Variants in NLGN1 observed in about 807,000 individuals in gnomAD.
NLGN1 encodes the protein neuroligin 1.
NLGN1 carries 12 observed loss-of-function variants against 65.5 expected under a neutral mutation model. The observed-to-expected ratio is 0.18, with a 90% CI of 0.12 to 0.30. The LOEUF is 0.30. NLGN1 is among the 10% of genes least tolerant of loss of function. The pLI, the probability that NLGN1 is intolerant of heterozygous loss-of-function variation, is 1.00. For synonymous variants in NLGN1, 350 were observed against 359.5 expected (o/e 0.97, Z 0.30); for missense variants, 750 against 1,007.1 (o/e 0.74, Z 3.46).
rs188466026 is a variant in NLGN1, at chr3:174,131,790, C to T, written c.647-143525C>T. Among the ~76,000 whole-genome samples, 312 of 152,218 alleles carry T rather than the reference C, an allele frequency of 2.0e-3. 1 individual carries two copies. Among genetic ancestry groups the T allele is most frequent in the Non-Finnish European group, 3.3e-3 (222 of 68,008 alleles). ...AATTAGCTCAAAAGATATTAGAAAT[C>T]TATATGGTAAAATGACAAGTGTTTA... On this transcript the variant is annotated intron_variant, in intron 4 of 6. Transcript: ENST00000457714.
chr3:173,761,539 T>C (rs922594306), intron 3 of NLGN1, among the ~76,000 whole-genome samples: 2 of 152,052 alleles, frequency 1.3e-5, no homozygotes, highest in African/African-American at 4.8e-5. Context: ...ATATAGAGCA[T>C]CACTACCTTT....
chr3:174,237,768 G>C (rs771273254), intron 4 of NLGN1, among the ~76,000 whole-genome samples: 2 of 152,092 alleles, frequency 1.3e-5, no homozygotes, highest in Non-Finnish European at 2.9e-5. Flanking sequence ...TTTTGGCCAG[G>C]CTGGTCTCAA....
At chr3:173,684,984 G>A (rs535474653) in intron 3 of NLGN1, among the ~76,000 whole-genome samples, 10 of 151,704 alleles carry the variant, frequency 6.6e-5, no homozygotes, top group South Asian at 6.3e-4. Flanking sequence ...ATATTATTTC[G>A]TACTGATAGA....
At chr3:173,538,364 C>T (rs540332359) in intron 2 of NLGN1, among the ~76,000 whole-genome samples, 2 of 152,288 alleles carry the variant, frequency 1.3e-5, no homozygotes, top group East Asian at 3.9e-4. Flanking sequence ...AGCATGGGCT[C>T]ACTGCTGCAC....
chr3:173,664,592 G>T (rs1223291131), intron 3 of NLGN1, among the ~76,000 whole-genome samples: 1 of 152,094 alleles, frequency 6.6e-6, no homozygotes, highest in African/African-American at 2.4e-5. Context: ...GAAGGGAAAG[G>T]AAGTTTCCAT....
chr3:173,982,296 A>G (rs1231795116), intron 4 of NLGN1, among the ~76,000 whole-genome samples: 1 of 152,122 alleles, frequency 6.6e-6, no homozygotes, highest in Non-Finnish European at 1.5e-5. Flanking sequence ...CATACCAGGA[A>G]GCTTTATCTA....
rs551032099 is a variant in NLGN1, at chr3:174,178,855, GATA to G, written c.647-96455_647-96453del. The stretch of plus-strand genomic sequence containing the variant: ...TCTTTACACCTTCATTACTGAAGTA[GATA>G]ATAAGGTGAAGATATTAGCTTTACT... On this transcript the variant is annotated intron_variant, in intron 4 of 6. Transcript: ENST00000457714. Among the ~76,000 whole-genome samples the G allele has an allele frequency of 1.3e-3, 194 of 152,196 alleles. 1 individual carries two copies. Among genetic ancestry groups the G allele is most frequent in the African/African-American group, 4.3e-3 (179 of 41,556 alleles).
At chr3:173,546,031 C>T (rs533650380) in intron 2 of NLGN1, among the ~76,000 whole-genome samples, 43 of 152,162 alleles carry the variant, frequency 2.8e-4, no homozygotes, top group East Asian at 1.9e-3. Flanking sequence ...CACCATGGCA[C>T]GTGTATACCT....
At chr3:173,543,200 C>T (rs1739186891) in intron 2 of NLGN1, among the ~76,000 whole-genome samples, 1 of 152,126 alleles carries the variant, frequency 6.6e-6, no homozygotes, top group Non-Finnish European at 1.5e-5. Flanking sequence ...AATCTTCCTA[C>T]AGAAATGTTG....
chr3:174,032,785 C>T (rs1444497362), intron 4 of NLGN1, among the ~76,000 whole-genome samples: 1 of 152,076 alleles, frequency 6.6e-6, no homozygotes, highest in East Asian at 1.9e-4. Flanking sequence ...GGCCAGCTCT[C>T]CAGGGGAAGA....
intron 3 of NLGN1, among the ~76,000 whole-genome samples, chr3:173,720,133 A>G (rs942297106): frequency 1.3e-5 from 2 of 152,284 alleles, no homozygotes; most frequent in Admixed American, 1.3e-4. Context: ...AAAAAAAAGA[A>G]AAAGAATTTT....
chr3:174,094,245 CG>C (rs1745046140), intron 4 of NLGN1, among the ~76,000 whole-genome samples: 2 of 152,012 alleles, frequency 1.3e-5, no homozygotes, highest in Admixed American at 1.3e-4. Context: ...AAAATAGCAC[CG>C]TATAGACACA....
intron 4 of NLGN1, among the ~76,000 whole-genome samples, chr3:173,908,246 C>T (rs958478332): frequency 6.6e-6 from 1 of 152,102 alleles, no homozygotes; most frequent in Non-Finnish European, 1.5e-5. Context: ...TGGTTCTTAG[C>T]CCAGAATGGT....
chr3:173,707,889 G>A (rs1045358672), intron 3 of NLGN1, among the ~76,000 whole-genome samples: 7 of 152,100 alleles, frequency 4.6e-5, no homozygotes, highest in African/African-American at 1.2e-4. Flanking sequence ...AGGCAATTTT[G>A]CTACCTATCC....
intron 4 of NLGN1, among the ~76,000 whole-genome samples, chr3:174,132,578 T>C (rs1720412916): frequency 6.6e-6 from 1 of 152,164 alleles, no homozygotes. Context: ...TTTGGATTAA[T>C]CATCAATAAA....
In NLGN1 at chr3:173,605,501, A is replaced by G. The variant is rs768808705; in HGVS notation, c.493+410A>G. 3 of 1,184,234 alleles carry G rather than the reference A, an allele frequency of 2.5e-6. No individual in the cohort carries two copies. The South Asian group carries it at 3.8e-5, about 15-fold the overall frequency. The allele number at this position is 1,184,234 out of a possible 1,614,324, so 73.4% of individuals were successfully genotyped here. ...TTCCGGCGGTCTATGATGGAGCGCCATGTTATTTTCTAGTCTTCTATTCAT... is the reference window on the plus strand; with the variant it reads ...TTCCGGCGGTCTATGATGGAGCGCCGTGTTATTTTCTAGTCTTCTATTCAT... On this transcript the variant is annotated intron_variant, in intron 3 of 6. Coordinates refer to ENST00000457714, the Ensembl canonical transcript of NLGN1.
chr3:173,617,194 A>G (rs1245516459), intron 3 of NLGN1, among the ~76,000 whole-genome samples: 1 of 152,134 alleles, frequency 6.6e-6, no homozygotes, highest in Non-Finnish European at 1.5e-5. Flanking sequence ...TCAACCTATC[A>G]AGATAACCCT....
At chr3:173,607,370 A>G (rs1168603081) in intron 3 of NLGN1, among the ~76,000 whole-genome samples, 2 of 151,864 alleles carry the variant, frequency 1.3e-5, no homozygotes, top group East Asian at 1.9e-4. Flanking sequence ...ACTATTAACT[A>G]TGCATTCTAA....
At chr3:174,228,665 GA>G (rs879788630) in intron 4 of NLGN1, among the ~76,000 whole-genome samples, 7 of 151,970 alleles carry the variant, frequency 4.6e-5, no homozygotes, top group Non-Finnish European at 8.8e-5. Context: ...TAAGTTGGGT[GA>G]AAAAAAGTTT....
Sources: gnomAD v4.1 joint callset for allele counts (sites outside exome capture counted in the v4.1 genomes callset) on GRCh38, gnomAD v4.1.1 for gene constraint, MANE v1.5 for transcripts, NCBI Gene and HGNC (gene_info 2026-07-23, HGNC 2026-07-21) for gene names.